The following MTMR1 variants were observed in gnomAD, a reference collection of about 807,000 sequenced individuals.
MTMR1 encodes the protein phosphatidylinositol-3-phosphate phosphatase MTMR1.
In MTMR1, 17 loss-of-function variants were observed where a neutral mutation model predicts 51.6. The observed-to-expected ratio is 0.33, with a 90% CI of 0.23 to 0.49. The LOEUF (loss-of-function observed/expected upper bound fraction) is 0.49, where lower values mean the gene tolerates loss of function less well. Among genes scored for constraint, MTMR1 ranks in the 20% least tolerant of loss-of-function variants. The probability of loss-of-function intolerance (pLI) is 0.99; values close to 1 mark genes in which losing one functional copy is unlikely to be tolerated. For synonymous variants in MTMR1, 201 were observed against 205.6 expected, an observed-to-expected ratio of 0.98 and a Z score of 0.19; for missense variants, 386 against 526.9, an observed-to-expected ratio of 0.73 and a Z score of 2.62.
intron 13 of MTMR1, among the ~76,000 whole-genome samples, chrX:150,749,646 A>G (rs2042671258): frequency 8.9e-6 from 1 of 112,202 alleles, no homozygotes; most frequent in Non-Finnish European, 1.9e-5. Flanking sequence ...ATCAAGAATT[A>G]CCTAAAACAA....
rs1180801013 is a variant in MTMR1 at position 150,729,202 on chromosome X, T to C, written c.556-907T>C. 4.1e-5 allele frequency among the ~76,000 whole-genome samples: 4 copies of C among 97,393 alleles called. No individual in the cohort carries two copies. The Admixed American group carries it at 5.0e-4, about 12-fold the overall frequency. 84.6% of individuals were successfully genotyped at this position (97,393 alleles called of 115,157 possible). A position where few individuals can be genotyped will look rare whatever the true frequency, so the allele number is the denominator to read the frequency against. ...ACATGGGCTTTCCTTTGGTGGTTCA[T>C]ACTTGACACACCCACCCACACACAC... is the stretch of plus-strand genomic sequence containing the variant. On this transcript the variant is annotated intron_variant, in intron 6 of 15. Coordinates refer to ENST00000445323, the MANE Select transcript of MTMR1 (RefSeq NM_001306144.3).
At chrX:150,762,018 C>T (rs1331484938) in intron 15 of MTMR1, among the ~76,000 whole-genome samples, 1 of 112,666 alleles carries the variant, frequency 8.9e-6, no homozygotes, top group African/African-American at 3.2e-5. Flanking sequence ...ACCCCCCTGC[C>T]GGCACTGCCC....
At chrX:150,756,630 G>A (rs1297160321) in intron 15 of MTMR1, among the ~76,000 whole-genome samples, 1 of 112,078 alleles carries the variant, frequency 8.9e-6, no homozygotes. Flanking sequence ...ACAGATAACT[G>A]TCTGCTGAGA....
intron 15 of MTMR1, among the ~76,000 whole-genome samples, chrX:150,757,132 T>C (rs966637639): frequency 2.9e-4 from 33 of 112,691 alleles, no homozygotes; most frequent in African/African-American, 1.1e-3. Context: ...CTAGATCGTC[T>C]CCACACTCCA....
At chrX:150,733,025 G>A (rs140284801) in intron 10 of MTMR1, among the ~76,000 whole-genome samples, 1,153 of 112,328 alleles carry the variant, frequency 0.01, 7 homozygotes, top group Middle Eastern at 0.05. Context: ...TGAAATGATC[G>A]TGAGGTCCTT....
intron 13 of MTMR1, among the ~76,000 whole-genome samples, chrX:150,747,219 T>C (rs2042597339): frequency 9.1e-6 from 1 of 109,853 alleles, no homozygotes; most frequent in Non-Finnish European, 1.9e-5. Context: ...GAGGCTGAGG[T>C]AGAAGGATCG....
intron 5 of MTMR1, 120 bp from the exon 6 acceptor site, chrX:150,727,564 T>G: frequency 1.8e-6 from 1 of 561,072 alleles, no homozygotes; most frequent in South Asian, 3.3e-5. Context: ...AGACTTCAAT[T>G]TAGCTGGGAC....
chrX:150,726,332 A>G (rs782800010), intron 4 of MTMR1, among the ~76,000 whole-genome samples: 3 of 111,286 alleles, frequency 2.7e-5, no homozygotes, highest in South Asian at 7.6e-4. Context: ...CTTCCATGAA[A>G]CCAGTCCCTG....
At chrX:150,701,525 C>T (rs2040906005) in intron 2 of MTMR1, among the ~76,000 whole-genome samples, 1 of 112,538 alleles carries the variant, frequency 8.9e-6, no homozygotes, top group Admixed American at 9.4e-5. Context: ...TTATGTGGAG[C>T]AGAATGCTTG....
At chrX:150,738,062 G>A (rs782596249) in intron 12 of MTMR1, among the ~76,000 whole-genome samples, 49 of 111,560 alleles carry the variant, frequency 4.4e-4, no homozygotes, top group African/African-American at 1.5e-3. Context: ...GCAAAACTCC[G>A]TCTCAAAAAA....
intron 4 of MTMR1, 157 bp from the exon 5 acceptor site, chrX:150,727,058 C>A: frequency 3.0e-6 from 1 of 335,029 alleles, no homozygotes; most frequent in Non-Finnish European, 5.2e-6. Flanking sequence ...GAAGACTATG[C>A]ATCTCTCTAT....
In MTMR1 at chrX:150,762,885, T is replaced by C; in HGVS notation, c.*156T>C. 1 of 612,653 alleles carries C rather than the reference T, an allele frequency of 1.6e-6. No homozygotes were observed. Among genetic ancestry groups the C allele is most frequent in the Non-Finnish European group, 2.3e-6 (1 of 437,076 alleles). The allele number at this position is 612,653 out of a possible 1,213,427, so 50.5% of individuals were successfully genotyped here. A position where few individuals can be genotyped will look rare whatever the true frequency, so the allele number is the denominator to read the frequency against. ...TGACAGCTCCCACTGTTGGCAACCG[T>C]TACCCTCCTGTCAGCGGTTTCACAG... On this transcript the variant is annotated 3_prime_UTR_variant, in exon 16 of 16. Transcript: ENST00000445323.
At chrX:150,737,162 TC>T in intron 11 of MTMR1, 79 bp from the exon 12 acceptor site, 2 of 975,563 alleles carry the variant, frequency 2.1e-6, no homozygotes, top group East Asian at 6.2e-5. Flanking sequence ...TCCAAAGCTC[TC>T]CCCAGAATTA....
rs1441091285 is a variant in MTMR1 at position 150,764,777 on chromosome X, T to TATC, written c.*2049_*2051dup. 8.9e-6 allele frequency: 1 copy of TATC among 112,931 alleles called. No homozygotes were observed. Among genetic ancestry groups the TATC allele is most frequent in the South Asian group, 3.6e-4 (1 of 2,794 alleles). The allele number at this position is 112,931 out of a possible 1,213,427, so 9.3% of individuals were successfully genotyped here. A position where few individuals can be genotyped will look rare whatever the true frequency, so the allele number is the denominator to read the frequency against. ...AAAACAACTTGAAGTATAGTTTTGT[T>TATC]ATCTAAGCAATTTTTGTTTTAAGTA... On this transcript the variant is annotated 3_prime_UTR_variant, in exon 16 of 16. Transcript: ENST00000445323.
intron 12 of MTMR1, among the ~76,000 whole-genome samples, chrX:150,742,335 C>T (rs919939684): frequency 9.0e-6 from 1 of 111,591 alleles, no homozygotes. Context: ...TGTATCTAAA[C>T]GTAGAAAAGG....
At chrX:150,744,895 C>A (rs1233267271) in intron 13 of MTMR1, among the ~76,000 whole-genome samples, 1 of 112,293 alleles carries the variant, frequency 8.9e-6, no homozygotes, top group Non-Finnish European at 1.9e-5. Context: ...CTCTCCCACC[C>A]AAGGTCACTG....
chrX:150,698,065 TG>T (rs782689780), intron 1 of MTMR1, among the ~76,000 whole-genome samples: 187 of 111,612 alleles, frequency 1.7e-3, no homozygotes, highest in Non-Finnish European at 2.9e-3. Flanking sequence ...CCAAGGCGGG[TG>T]GATCACCTGA....
At chrX:150,694,500 T>A (rs2040602981) in intron 1 of MTMR1, among the ~76,000 whole-genome samples, 1 of 112,080 alleles carries the variant, frequency 8.9e-6, no homozygotes, top group South Asian at 3.7e-4. Flanking sequence ...TCAGGCAGCA[T>A]GCACTGTTGG....
At chrX:150,709,262 G>A (rs377628594) in intron 2 of MTMR1, among the ~76,000 whole-genome samples, 9 of 112,044 alleles carry the variant, frequency 8.0e-5, no homozygotes, top group Admixed American at 4.7e-4. Context: ...TTCAGGAGAG[G>A]GACATGGTGA....
Sources: allele counts gnomAD v4.1 joint callset (sites outside exome capture counted in the v4.1 genomes callset), GRCh38; gene constraint gnomAD v4.1.1; transcripts MANE v1.5; gene names NCBI Gene and HGNC (gene_info 2026-07-23, HGNC 2026-07-21).